Variants in RPP40 observed in about 807,000 individuals in gnomAD.
The protein encoded by RPP40 is ribonuclease P protein subunit p40.
RPP40 carries 30 observed loss-of-function variants against 42.5 expected under a neutral mutation model. The ratio of observed to expected loss-of-function variants is 0.71; its 90% CI spans 0.53 to 0.96. The LOEUF (loss-of-function observed/expected upper bound fraction) is 0.96, where lower values mean the gene tolerates loss of function less well. Among genes scored for constraint, RPP40 ranks in the 40% least tolerant of loss-of-function variants. The probability of loss-of-function intolerance (pLI) is 0.00; values close to 1 mark genes in which losing one functional copy is unlikely to be tolerated. For synonymous variants in RPP40, 173 were observed against 164.0 expected (o/e 1.05, Z -0.42); for missense variants, 426 against 433.5 (o/e 0.98, Z 0.15).
intron 4 of RPP40, among the ~76,000 whole-genome samples, chr6:4,999,287 T>G (rs1759473798): frequency 6.8e-6 from 1 of 146,410 alleles, no homozygotes; most frequent in Non-Finnish European, 1.5e-5. Context: ...GTTCAGTACT[T>G]GGAATTTTTT....
chr6:5,002,079 A>T (rs754986438), intron 2 of RPP40, 22 bp downstream of exon 2: 2 of 1,606,656 alleles, frequency 1.2e-6, no homozygotes, highest in Admixed American at 3.4e-5. Flanking sequence ...CCTTGTTCAC[A>T]GCCATTTCAG....
At chr6:5,001,932 G>C in intron 2 of RPP40, 169 bp downstream of exon 2, 1 of 606,400 alleles carries the variant, frequency 1.6e-6, no homozygotes, top group Middle Eastern at 2.7e-4. Context: ...CCTAAAGAGG[G>C]TACAAGAAAG....
chr6:4,992,043 CG>C (rs1052437561), downstream of RPP40, among the ~76,000 whole-genome samples: 2 of 152,144 alleles, frequency 1.3e-5, no homozygotes, highest in African/African-American at 4.8e-5. Context: ...CCTGCAGAAA[CG>C]TGAGCCAATT....
At chr6:4,989,724 T>A (rs1759238789), downstream of RPP40, among the ~76,000 whole-genome samples, 1 of 152,204 alleles carries the variant, frequency 6.6e-6, no homozygotes, top group Non-Finnish European at 1.5e-5. Flanking sequence ...AAATGTTGAT[T>A]TTTTGTTTCA....
In RPP40 at chr6:4,996,093, C is replaced by A; in HGVS notation, c.759-8G>T. ...TTATTAGGCTCATTATTTCTGTCAC[C>A]AAAAAAATAAAAGAGAGAGAGATAA... On this transcript the variant is annotated splice_polypyrimidine_tract_variant and splice_region_variant and intron_variant, in intron 6 of 7. Coordinates refer to ENST00000380051, the MANE Select transcript of RPP40 (RefSeq NM_006638.4). The A allele has an allele frequency of 6.2e-7, 1 of 1,609,344 alleles. No individual in the cohort carries two copies. Among genetic ancestry groups the A allele is most frequent in the South Asian group, 1.1e-5 (1 of 90,276 alleles).
the RPP40 span, among the ~76,000 whole-genome samples, chr6:4,989,088 GCCTTTTTC>G: frequency 6.6e-6 from 1 of 150,982 alleles, no homozygotes; most frequent in African/African-American, 2.5e-5. Flanking sequence ...ATTTTAAGTT[GCCTTTTTC>G]CTAATGGTTA....
In RPP40 at chr6:5,003,915, G is replaced by C. The variant is rs199946178; in HGVS notation, c.88C>G (p.Arg30Gly). 3.7e-6 allele frequency: 6 copies of C among 1,613,792 alleles called. No individual in the cohort carries two copies. In the East Asian group the frequency reaches 8.9e-5, roughly 24 times the overall value. The change falls in exon 1 of 8, where the codon CGG (arginine) becomes GGG (glycine). Residue 30 changes from arginine to glycine, a missense_variant. Arg to Gly is a moderately radical substitution (Grantham distance 125). Coordinates refer to ENST00000380051, the MANE Select transcript of RPP40 (RefSeq NM_006638.4). ...SNFGNHKSRH[R>G]HLVQTHYYNY... ...TAGTAGTGCGTCTGCACAAGATGCC[G>C]GTGGCGCGACTTGTGGTTGCCGAAG... is the stretch of plus-strand genomic sequence containing the variant.
intron 4 of RPP40, 149 bp downstream of exon 4, chr6:4,999,660 T>C: frequency 1.7e-6 from 1 of 581,424 alleles, no homozygotes; most frequent in Non-Finnish European, 3.1e-6. Context: ...AGCATCATCC[T>C]ATCCTCTGTG....
chr6:5,003,597 C>T, intron 1 of RPP40: 1 of 319,258 alleles, frequency 3.1e-6, no homozygotes, highest in Non-Finnish European at 5.8e-6. Context: ...CCCAGTTCGG[C>T]GGGTTGACAC....
chr6:5,003,165 G>C (rs1295559561), intron 1 of RPP40, among the ~76,000 whole-genome samples: 1 of 151,786 alleles, frequency 6.6e-6, no homozygotes, highest in African/African-American at 2.4e-5. Flanking sequence ...TGGCTAACAC[G>C]GTGAAACCTC....
At chr6:4,988,437 T>A in the RPP40 span, among the ~76,000 whole-genome samples, 1 of 152,178 alleles carries the variant, frequency 6.6e-6, no homozygotes, top group African/African-American at 2.4e-5. Flanking sequence ...TCCATCACCA[T>A]GATGATCCTT....
rs1197150953 is a variant in RPP40 at position 5,004,028 on chromosome 6, G to A, written c.-26C>T. 1 of 1,572,096 alleles carries A rather than the reference G, an allele frequency of 6.4e-7. No homozygotes were observed. Among genetic ancestry groups the A allele is most frequent in the Admixed American group, 1.7e-5 (1 of 57,846 alleles). ...GCTCTCCTGGGTTCCTGGTCCTCCC[G>A]GCCTCCGCTGGCGGGGCACGCCCCG... is the stretch of plus-strand genomic sequence containing the variant. On this transcript the variant is annotated 5_prime_UTR_variant, in exon 1 of 8. Coordinates refer to ENST00000380051, the MANE Select transcript of RPP40 (RefSeq NM_006638.4).
rs774643629 is a variant in RPP40 at position 5,003,890 on chromosome 6, T to C, written c.113A>G (p.Tyr38Cys). The C allele has an allele frequency of 3.1e-6, 5 of 1,613,352 alleles. No individual in the cohort carries two copies. The highest frequency in any genetic ancestry group is 4.2e-6 in the Non-Finnish European group (5 of 1,179,530). ...RHRHLVQTHY[Y>C]NYRVSFLIPE... ...GACAGCCGGACTCACCCTGTAGTTA[T>C]AGTAGTGCGTCTGCACAAGATGCCG... The change falls in exon 1 of 8, where the codon TAT becomes TGT. Residue 38 changes from tyrosine (Y) to cysteine (C), a missense_variant. Tyr to Cys is a radical substitution (Grantham distance 194, BLOSUM62 -2). Coordinates refer to ENST00000380051, the MANE Select transcript of RPP40 (RefSeq NM_006638.4).
intron 2 of RPP40, among the ~76,000 whole-genome samples, chr6:5,001,437 G>C (rs1405868761): frequency 6.6e-6 from 1 of 152,184 alleles, no homozygotes; most frequent in Non-Finnish European, 1.5e-5. Context: ...GGTAACTAGA[G>C]TTCTTCATAT....
chr6:4,998,835 G>T lies in RPP40; in HGVS notation c.440C>A (p.Ser147Tyr). 1.4e-6 allele frequency: 2 copies of T among 1,405,370 alleles called. No individual in the cohort carries two copies. The highest frequency in any genetic ancestry group is 2.4e-5 in the East Asian group (1 of 41,890). 87.1% of individuals were successfully genotyped at this position (1,405,370 alleles called of 1,614,324 possible). The change falls in exon 5 of 8, where the codon TCC becomes TAC. Residue 147 changes from serine to tyrosine, a missense_variant. Physicochemically the swap from Ser to Tyr is moderately radical, Grantham distance 144 (BLOSUM62 -2). Coordinates refer to ENST00000380051, the MANE Select transcript of RPP40 (RefSeq NM_006638.4). ...TAAGGATAATTCCATCAAATCAATG[G>T]AAACAACTTTAAAAATGAAAAAAAG... ...SGRKIMKFIV[S>Y]IDLMELSLNL...
chr6:5,003,659 G>T, intron 1 of RPP40: 1 of 505,804 alleles, frequency 2.0e-6, no homozygotes, highest in Non-Finnish European at 3.3e-6. Flanking sequence ...ACTGGGTACC[G>T]CCCCCACGCC....
downstream of RPP40, among the ~76,000 whole-genome samples, chr6:4,993,279 A>G (rs1416234879): frequency 6.6e-6 from 1 of 152,024 alleles, no homozygotes; most frequent in Non-Finnish European, 1.5e-5. Flanking sequence ...CCATTATTCT[A>G]TTTTCAGTGG....
chr6:4,995,881 A>T, intron 7 of RPP40, 70 bp downstream of exon 7: 1 of 1,475,670 alleles, frequency 6.8e-7, no homozygotes, highest in South Asian at 1.3e-5. Flanking sequence ...CAAAATGAAA[A>T]AATCTATACT....
Position 4,996,271 on chromosome 6 carries a change from C to G in RPP40, c.709G>C (p.Ala237Pro). The G allele has an allele frequency of 6.2e-7, 1 of 1,614,064 alleles. No homozygotes were observed. The highest frequency in any genetic ancestry group is 1.1e-5 in the South Asian group (1 of 91,082). The change falls in exon 6 of 8, where the codon GCT becomes CCT. Residue 237 changes from alanine to proline, a missense_variant. Transcript: ENST00000380051. ...LEGTPEVSCRALELFDWLGAV... is the reference protein window; with the variant it reads ...LEGTPEVSCRPLELFDWLGAV... The stretch of plus-strand genomic sequence containing the variant: ...CCGAGCCAGTCGAAGAGCTCCAGAG[C>G]CCGGCAGGACACCTCTGGCGTTCCC...
Sources: allele counts gnomAD v4.1 joint callset (sites outside exome capture counted in the v4.1 genomes callset), GRCh38; gene constraint gnomAD v4.1.1; transcripts MANE v1.5; gene names NCBI Gene and HGNC (gene_info 2026-07-23, HGNC 2026-07-21).